CPLANE1: variants seen among roughly 807,000 people sequenced by gnomAD.
The protein encoded by CPLANE1 is ciliogenesis and planar polarity effector 1.
A neutral mutation model predicts 362.5 loss-of-function variants in CPLANE1; 263 were observed. The observed-to-expected ratio is 0.73, with a 90% CI of 0.66 to 0.80. The LOEUF (loss-of-function observed/expected upper bound fraction) is 0.80. Among genes scored for constraint, CPLANE1 ranks in the 30% least tolerant of loss-of-function variants. The pLI, the probability that CPLANE1 is intolerant of heterozygous loss-of-function variation, is 0.00. For synonymous variants in CPLANE1, 1,212 were observed against 1,302.6 expected (o/e 0.93, Z 1.50); for missense variants, 3,461 against 3,793.4 (o/e 0.91, Z 2.30).
chr5:37,163,648 C>A (rs184471690), intron 37 of CPLANE1, among the ~76,000 whole-genome samples: 118 of 152,274 alleles, frequency 7.7e-4, no homozygotes, highest in Middle Eastern at 3.4e-3. Context: ...TCCTCAGAAT[C>A]TTGGGATTTC....
intron 20 of CPLANE1, among the ~76,000 whole-genome samples, chr5:37,196,692 C>T (rs1265694332): frequency 1.3e-5 from 2 of 152,072 alleles, no homozygotes; most frequent in Non-Finnish European, 2.9e-5. Flanking sequence ...TTAGGGAGGC[C>T]GAGGTGGGCA....
intron 32 of CPLANE1, among the ~76,000 whole-genome samples, chr5:37,171,683 C>T (rs1053092830): frequency 1.3e-5 from 2 of 151,864 alleles, no homozygotes; most frequent in Non-Finnish European, 1.5e-5. Context: ...AAATATCATT[C>T]ATAATCCTAC....
intron 44 of CPLANE1, chr5:37,140,128 A>C: frequency 3.4e-6 from 3 of 883,964 alleles, no homozygotes; most frequent in Non-Finnish European, 4.1e-6. Context: ...AAAAACACTT[A>C]ATCTATTCAG....
intron 19 of CPLANE1, 56 bp downstream of exon 19, chr5:37,201,535 A>T: frequency 2.1e-6 from 3 of 1,421,784 alleles, no homozygotes; most frequent in Non-Finnish European, 2.9e-6. Flanking sequence ...TAATTATTTT[A>T]AAAACTTGAC....
At chr5:37,211,460 T>C in intron 16 of CPLANE1, 1 of 1,449,752 alleles carries the variant, frequency 6.9e-7, no homozygotes, top group Non-Finnish European at 9.3e-7. Context: ...GAGTTGTCTC[T>C]GAGCAGCCTC....
At chr5:37,182,478 G>A (rs959291405) in intron 26 of CPLANE1, among the ~76,000 whole-genome samples, 6 of 152,040 alleles carry the variant, frequency 3.9e-5, no homozygotes, top group Non-Finnish European at 5.9e-5. Flanking sequence ...AATAATATAC[G>A]TGTAATACCA....
At chr5:37,127,177 C>A (rs915170798) in intron 46 of CPLANE1, among the ~76,000 whole-genome samples, 1 of 152,160 alleles carries the variant, frequency 6.6e-6, no homozygotes, top group Non-Finnish European at 1.5e-5. Flanking sequence ...CTCCATGTAC[C>A]TTTTGCCTCC....
rs1051970166 is a variant in CPLANE1 at position 37,187,940 on chromosome 5, G to A, written c.3812-98C>T. 4 of 701,952 alleles carry A rather than the reference G, an allele frequency of 5.7e-6. No individual in the cohort carries two copies. In the East Asian group the frequency reaches 8.7e-5, roughly 15 times the overall value. 43.5% of individuals were successfully genotyped at this position (701,952 alleles called of 1,614,324 possible). A position where few individuals can be genotyped will look rare whatever the true frequency, so the allele number is the denominator to read the frequency against. ...GCTGATCATTTTTTTCAAAATAAAG[G>A]TCTTTATTTCATTCATTATAAAATG... On this transcript the variant is annotated intron_variant, in intron 21 of 52. Transcript: ENST00000651892.
chr5:37,220,770 T>C (rs776882169), intron 15 of CPLANE1, among the ~76,000 whole-genome samples: 19 of 152,200 alleles, frequency 1.2e-4, no homozygotes, highest in Non-Finnish European at 2.4e-4. Flanking sequence ...CCACCTGCCT[T>C]GGCCTCCCAG....
At chr5:37,173,351 C>T (rs1006164037) in intron 32 of CPLANE1, among the ~76,000 whole-genome samples, 1 of 152,214 alleles carries the variant, frequency 6.6e-6, no homozygotes, top group Admixed American at 6.5e-5. Context: ...TACTCCCCAC[C>T]TCACTTTTGT....
Position 37,107,163 on chromosome 5 carries a change from C to T in CPLANE1, c.*439G>A. On this transcript the variant is annotated 3_prime_UTR_variant, in exon 53 of 53. Coordinates refer to ENST00000651892, the MANE Select transcript of CPLANE1 (RefSeq NM_001384732.1). ...TGCATAGGTGTTTTAAAATAGGGTTCATAATTGAGTTCTCAGGTGAGACTG... is the reference window on the plus strand; with the variant it reads ...TGCATAGGTGTTTTAAAATAGGGTTTATAATTGAGTTCTCAGGTGAGACTG... The T allele has an allele frequency of 1.0e-6, 1 of 985,386 alleles. No individual in the cohort carries two copies. Among genetic ancestry groups the T allele is most frequent in the African/African-American group, 1.7e-5 (1 of 57,324 alleles). The allele number at this position is 985,386 out of a possible 1,614,324, so 61.0% of individuals were successfully genotyped here.
In CPLANE1 at chr5:37,226,568, T is replaced by G; in HGVS notation, c.2027A>C (p.Gln676Pro). Residue 676 changes from glutamine (Q) to proline (P), a missense_variant, in exon 12 of 53, where the codon CAA becomes CCA. Physicochemically the swap from Gln to Pro is moderately conservative, Grantham distance 76. Around this residue, in one of 2 missense-constraint regions of CPLANE1, gnomAD observed 3,380 missense variants for 3,666.1 expected, o/e 0.92. Transcript: ENST00000651892. ...TTTCTCTGAGAATAACTGACCCTTT[T>G]GTTGCTGAGTCAGCAAAAGTTTTAC... ...NTVKLLLTQQ[Q>P]KGQLFSEKLL... The G allele has an allele frequency of 6.5e-7, 1 of 1,549,808 alleles. No individual in the cohort carries two copies. Among genetic ancestry groups the G allele is most frequent in the Non-Finnish European group, 8.7e-7 (1 of 1,146,494 alleles).
chr5:37,208,937 G>GA (rs199850875), intron 16 of CPLANE1, among the ~76,000 whole-genome samples: 2,350 of 106,056 alleles, frequency 0.022, 24 homozygotes, highest in Middle Eastern at 0.04. Context: ...TTTCACAGAT[G>GA]AAAAAAAAAA....
chr5:37,171,782 C>CTCTCTA (rs1441969980), intron 32 of CPLANE1, among the ~76,000 whole-genome samples: 115 of 144,542 alleles, frequency 8.0e-4, no homozygotes, highest in Middle Eastern at 7.2e-3. Flanking sequence ...CTCTCTCTCT[C>CTCTCTA]TCTATCTATC....
At chr5:37,140,685 G>A in intron 44 of CPLANE1, 1 of 985,432 alleles carries the variant, frequency 1.0e-6, no homozygotes, top group Non-Finnish European at 1.2e-6. Flanking sequence ...GGTGAGATTA[G>A]CGAAGATGGT....
intron 6 of CPLANE1, among the ~76,000 whole-genome samples, chr5:37,240,207 G>A (rs1800042497): frequency 6.6e-6 from 1 of 152,058 alleles, no homozygotes; most frequent in African/African-American, 2.4e-5. Context: ...AAAATTACCT[G>A]GGCATGGTGG....
intron 21 of CPLANE1, among the ~76,000 whole-genome samples, chr5:37,194,701 C>T (rs1265428915): frequency 6.6e-6 from 1 of 150,836 alleles, no homozygotes; most frequent in Admixed American, 6.6e-5. Flanking sequence ...CTACGTTGCC[C>T]AGGCTGGAGT....
intron 21 of CPLANE1, among the ~76,000 whole-genome samples, chr5:37,195,154 CAAA>C (rs749441277): frequency 4.1e-5 from 3 of 72,680 alleles, no homozygotes; most frequent in Admixed American, 3.2e-4. Context: ...GACTCCATCT[CAAA>C]AAAAAAAAAA....
At chr5:37,096,390 T>C in the CPLANE1 span, among the ~76,000 whole-genome samples, 1 of 152,202 alleles carries the variant, frequency 6.6e-6, no homozygotes, top group African/African-American at 2.4e-5. Flanking sequence ...TCTCTCACCT[T>C]ATACAAAAAT....
Sources: allele counts gnomAD v4.1 joint callset (sites outside exome capture counted in the v4.1 genomes callset), GRCh38; gene constraint gnomAD v4.1.1; regional missense constraint gnomAD v4.1.1; transcripts MANE v1.5; gene names NCBI Gene and HGNC (gene_info 2026-07-23, HGNC 2026-07-21).